The following HDAC9 variants were observed in gnomAD, a reference collection of about 807,000 sequenced individuals.
HDAC9 encodes the protein histone deacetylase 9.
A neutral mutation model predicts 139.4 loss-of-function variants in HDAC9; 41 were observed. That is an observed-to-expected ratio of 0.29 (90% CI 0.23 to 0.38). The LOEUF is 0.38. Among genes scored for constraint, HDAC9 ranks in the 10% least tolerant of loss-of-function variants. The probability of loss-of-function intolerance (pLI) is 1.00; values close to 1 mark genes in which losing one functional copy is unlikely to be tolerated. For synonymous variants in HDAC9, 517 were observed against 476.2 expected, an observed-to-expected ratio of 1.09 and a Z score of -1.12; for missense variants, 1,147 against 1,297.0, an observed-to-expected ratio of 0.88 and a Z score of 1.78.
chr7:18,460,960 G>A (rs1196022348), intron 1 of HDAC9, among the ~76,000 whole-genome samples: 1 of 151,894 alleles, frequency 6.6e-6, no homozygotes, highest in African/African-American at 2.4e-5. Flanking sequence ...ATAGGCTCTG[G>A]AAAATAAGCA....
intron 22 of HDAC9, among the ~76,000 whole-genome samples, chr7:18,924,337 G>A (rs1011707712): frequency 3.3e-5 from 5 of 151,922 alleles, no homozygotes; most frequent in Non-Finnish European, 7.4e-5. Flanking sequence ...ACATTTAGAG[G>A]CATTTCATAT....
At chr7:18,991,717 C>A (rs1785988241) in intron 25 of HDAC9, among the ~76,000 whole-genome samples, 1 of 151,728 alleles carries the variant, frequency 6.6e-6, no homozygotes, top group South Asian at 2.1e-4. Context: ...TCATTTGATT[C>A]TCTGTCTTTT....
intron 17 of HDAC9, among the ~76,000 whole-genome samples, chr7:18,824,988 A>C (rs1795304348): frequency 6.6e-6 from 1 of 152,254 alleles, no homozygotes; most frequent in African/African-American, 2.4e-5. Context: ...GTGCCATTAA[A>C]GAGAACTCAT....
chr7:18,984,115 G>T (rs1785136940), intron 25 of HDAC9, among the ~76,000 whole-genome samples: 1 of 152,058 alleles, frequency 6.6e-6, no homozygotes, highest in African/African-American at 2.4e-5. Context: ...ATACATTTGT[G>T]TGCTTATTTG....
At chr7:18,657,653 A>C (rs1160596380) in intron 11 of HDAC9, among the ~76,000 whole-genome samples, 1 of 152,122 alleles carries the variant, frequency 6.6e-6, no homozygotes, top group Non-Finnish European at 1.5e-5. Flanking sequence ...CCTGCCAAGA[A>C]ATCTTGGTTA....
intron 2 of HDAC9, among the ~76,000 whole-genome samples, chr7:18,174,078 G>A (rs916458412): frequency 4.6e-5 from 7 of 152,088 alleles, no homozygotes; most frequent in African/African-American, 1.7e-4. Flanking sequence ...TCACTTTCAG[G>A]TACACCAATC....
At chr7:18,319,432 A>G (rs1028181464) in intron 1 of HDAC9, among the ~76,000 whole-genome samples, 1 of 152,200 alleles carries the variant, frequency 6.6e-6, no homozygotes, top group African/African-American at 2.4e-5. Flanking sequence ...TCCCAGCCAG[A>G]TTTTAAAAAT....
chr7:18,132,386 CT>C (rs1294780882), intron 1 of HDAC9, among the ~76,000 whole-genome samples: 2 of 152,024 alleles, frequency 1.3e-5, no homozygotes, highest in Non-Finnish European at 1.5e-5. Context: ...TGATTGAAGT[CT>C]TTTTTTCTTT....
chr7:18,450,217 G>T (rs1034628394), intron 1 of HDAC9, among the ~76,000 whole-genome samples: 1 of 152,170 alleles, frequency 6.6e-6, no homozygotes, highest in East Asian at 1.9e-4. Flanking sequence ...AGCAAAGTCA[G>T]CAAGATTATT....
intron 25 of HDAC9, among the ~76,000 whole-genome samples, chr7:18,995,445 C>CT (rs1404744664): frequency 2.6e-5 from 4 of 152,212 alleles, no homozygotes; most frequent in African/African-American, 9.7e-5. Context: ...GCAGAATACC[C>CT]TGCAGATGAT....
chr7:18,840,423 G>T (rs1433040256), intron 21 of HDAC9, among the ~76,000 whole-genome samples: 1 of 152,058 alleles, frequency 6.6e-6, no homozygotes, highest in Non-Finnish European at 1.5e-5. Context: ...CTCTTGCACT[G>T]AGGTTGTCAG....
chr7:18,781,961 G>A (rs1791275382), intron 16 of HDAC9, among the ~76,000 whole-genome samples: 1 of 152,016 alleles, frequency 6.6e-6, no homozygotes, highest in African/African-American at 2.4e-5. Flanking sequence ...ATTTTATTTT[G>A]CGGTTTAGCT....
At chr7:18,103,512 C>G (rs1298271112) in intron 1 of HDAC9, among the ~76,000 whole-genome samples, 2 of 152,016 alleles carry the variant, frequency 1.3e-5, no homozygotes, top group Admixed American at 1.3e-4. Flanking sequence ...TTTTGGAGTC[C>G]CCGGTGCCTA....
chr7:18,392,309 T>TCACACACA (rs1385711426), intron 1 of HDAC9, among the ~76,000 whole-genome samples: 4 of 131,242 alleles, frequency 3.0e-5, no homozygotes, highest in African/African-American at 1.3e-4. Context: ...TCTCTCTCTC[T>TCACACACA]CTCTCTCACA....
In HDAC9 at chr7:18,579,791, C is replaced by CTGTGTGTGTG. The variant is rs3084516; in HGVS notation, c.23-5482_23-5473dup. Among the ~76,000 whole-genome samples, 338 of 150,332 alleles carry CTGTGTGTGTG rather than the reference C, an allele frequency of 2.2e-3. 2 individuals carry two copies. Among genetic ancestry groups the CTGTGTGTGTG allele is most frequent in the African/African-American group, 7.7e-3 (318 of 41,084 alleles). On this transcript the variant is annotated intron_variant, in intron 2 of 25. Transcript: ENST00000686413. Reference sequence around the variant, plus strand: ...ATTTGTGTTGAGAGTTTTTCCATGCCTGTGTGTGTGTGTGTGTATGTGTGT... The same window carrying CTGTGTGTGTG: ...ATTTGTGTTGAGAGTTTTTCCATGCCTGTGTGTGTGTGTGTGTGTGTGTGTGTATGTGTGT...
rs1008270452 is a variant in HDAC9 at position 18,530,586 on chromosome 7, C to G, written c.22+34262C>G. 2.0e-5 allele frequency among the ~76,000 whole-genome samples: 3 copies of G among 152,082 alleles called. No homozygotes were observed. The South Asian group carries it at 6.2e-4, about 32-fold the overall frequency. The stretch of plus-strand genomic sequence containing the variant: ...AAAAAAGAAACTTGTTGAGAAGTCT[C>G]TGAAAGGGTGTGAAGTTTCTTATTT... On this transcript the variant is annotated intron_variant, in intron 2 of 25. Coordinates refer to ENST00000686413, the MANE Select transcript of HDAC9 (RefSeq NM_178425.4).
intron 24 of HDAC9, among the ~76,000 whole-genome samples, chr7:18,974,180 ACT>A (rs1784419104): frequency 6.6e-6 from 1 of 152,146 alleles, no homozygotes; most frequent in Non-Finnish European, 1.5e-5. Context: ...CCATGACCTC[ACT>A]CTGCTGAAGA....
rs556519514 is a variant in HDAC9, at chr7:18,658,289, T to C, written c.1468-7924T>C. Among the ~76,000 whole-genome samples the C allele has an allele frequency of 3.9e-5, 6 of 152,252 alleles. No individual in the cohort carries two copies. In the East Asian group the frequency reaches 7.7e-4, roughly 20 times the overall value. On this transcript the variant is annotated intron_variant, in intron 11 of 25. Coordinates refer to ENST00000686413, the MANE Select transcript of HDAC9 (RefSeq NM_178425.4). The stretch of plus-strand genomic sequence containing the variant: ...ATAGTAAACGCTCAATAAAAAATTA[T>C]TGGAAGAATGAAAAAATGGGTGGGC...
At chr7:18,889,208 G>T (rs1800452114) in intron 22 of HDAC9, among the ~76,000 whole-genome samples, 3 of 152,040 alleles carry the variant, frequency 2.0e-5, no homozygotes, top group Non-Finnish European at 2.9e-5. Flanking sequence ...TGCATGAAAA[G>T]ATCCTATTCA....
Sources: gnomAD v4.1 joint callset for allele counts (sites outside exome capture counted in the v4.1 genomes callset) on GRCh38, gnomAD v4.1.1 for gene constraint, MANE v1.5 for transcripts, NCBI Gene and HGNC (gene_info 2026-07-23, HGNC 2026-07-21) for gene names.